The following CRB1 variants were observed in gnomAD, a reference collection of about 807,000 sequenced individuals.
The protein encoded by CRB1 is protein crumbs homolog 1.
A neutral mutation model predicts 120.0 loss-of-function variants in CRB1; 83 were observed. That is an observed-to-expected ratio of 0.69 (90% CI 0.58 to 0.83). The LOEUF is 0.83. Among genes scored for constraint, CRB1 ranks in the 40% least tolerant of loss-of-function variants. The pLI is 0.00. For synonymous variants in CRB1, 625 were observed against 612.5 expected, an observed-to-expected ratio of 1.02 and a Z score of -0.30; for missense variants, 1,699 against 1,687.6, an observed-to-expected ratio of 1.01 and a Z score of -0.12.
intron 5 of CRB1, among the ~76,000 whole-genome samples, chr1:197,365,747 C>A (rs1191559505): frequency 6.6e-6 from 1 of 151,792 alleles, no homozygotes; most frequent in East Asian, 1.9e-4. Flanking sequence ...CCAACCTCGG[C>A]CACCTTCTCT....
the CRB1 span, among the ~76,000 whole-genome samples, chr1:197,233,593 T>A: frequency 6.6e-6 from 1 of 152,180 alleles, no homozygotes; most frequent in Non-Finnish European, 1.5e-5. Context: ...ACAAAGCCCT[T>A]CTTAGGGCAC....
At chr1:197,264,732 G>A (rs1209490700), upstream of CRB1, among the ~76,000 whole-genome samples, 1 of 148,288 alleles carries the variant, frequency 6.7e-6, no homozygotes, top group Non-Finnish European at 1.5e-5. Context: ...AGGGATTCTT[G>A]TGTCTCAGCC....
At chr1:197,317,128 C>T (rs1657900503) in intron 1 of CRB1, among the ~76,000 whole-genome samples, 1 of 152,102 alleles carries the variant, frequency 6.6e-6, no homozygotes, top group South Asian at 2.1e-4. Context: ...ATCAAAATAG[C>T]AATGACAGGT....
the CRB1 span, among the ~76,000 whole-genome samples, chr1:197,201,519 C>T: frequency 6.6e-6 from 1 of 152,184 alleles, no homozygotes; most frequent in Non-Finnish European, 1.5e-5. Flanking sequence ...CCCTCGGAGA[C>T]CCTAGCTACA....
At chr1:197,439,217 A>G (rs922798581) in intron 10 of CRB1, 1 of 165,006 alleles carries the variant, frequency 6.1e-6, no homozygotes, top group Non-Finnish European at 1.3e-5. Flanking sequence ...TATGTATTTG[A>G]GTGGCTAGGG....
chr1:197,424,393 A>G (rs1664477304), intron 6 of CRB1, among the ~76,000 whole-genome samples: 1 of 152,176 alleles, frequency 6.6e-6, no homozygotes, highest in Admixed American at 6.5e-5. Context: ...TAATATCTGA[A>G]GAAAAGTATC....
chr1:197,243,627 T>A, the CRB1 span, among the ~76,000 whole-genome samples: 1 of 152,100 alleles, frequency 6.6e-6, no homozygotes, highest in Non-Finnish European at 1.5e-5. Flanking sequence ...TGTGATATGG[T>A]GGTGGGAAAA....
chr1:197,348,272 A>G (rs914177413), intron 4 of CRB1, among the ~76,000 whole-genome samples: 4 of 152,170 alleles, frequency 2.6e-5, no homozygotes, highest in Non-Finnish European at 5.9e-5. Flanking sequence ...TTGTCATAGG[A>G]GATGACAGCT....
chr1:197,255,850 T>C, the CRB1 span, among the ~76,000 whole-genome samples: 1 of 150,866 alleles, frequency 6.6e-6, no homozygotes, highest in Admixed American at 6.6e-5. Flanking sequence ...CAAACTCCCT[T>C]TCTTAACTTT....
intron 1 of CRB1, among the ~76,000 whole-genome samples, chr1:197,274,992 C>T (rs1655122225): frequency 3.3e-5 from 5 of 152,016 alleles, no homozygotes; most frequent in Admixed American, 2.0e-4. Context: ...CCCCTTGCTT[C>T]CACTGAGACT....
At chr1:197,283,418 A>G (rs937146355) in intron 1 of CRB1, among the ~76,000 whole-genome samples, 6 of 151,644 alleles carry the variant, frequency 4.0e-5, no homozygotes, top group Non-Finnish European at 4.4e-5. Flanking sequence ...CCGAGTCCCC[A>G]AAGTCCGTTG....
chr1:197,426,113 C>A (rs1041273848), intron 6 of CRB1, among the ~76,000 whole-genome samples: 1 of 151,920 alleles, frequency 6.6e-6, no homozygotes, highest in Non-Finnish European at 1.5e-5. Flanking sequence ...CGTATCTCTG[C>A]AAATAGAAAG....
rs189292637 is a variant in CRB1, at chr1:197,294,231, A to G, written c.70+25749A>G. Reference sequence around the variant, plus strand: ...CAAATTTACAAGAAAAAATCAAACAACCCCATCAAAAAGTGGGCAAAGGAC... The same window carrying G: ...CAAATTTACAAGAAAAAATCAAACAGCCCCATCAAAAAGTGGGCAAAGGAC... On this transcript the variant is annotated intron_variant, in intron 1 of 11. Coordinates refer to ENST00000367400, the MANE Select transcript of CRB1 (RefSeq NM_201253.3). 2.9e-3 allele frequency among the ~76,000 whole-genome samples: 437 copies of G among 152,124 alleles called. 5 individuals carry two copies. Among genetic ancestry groups the G allele is most frequent in the African/African-American group, 0.01 (426 of 41,524 alleles).
At position 197,277,412 on chromosome 1, in the gene CRB1, G is replaced by A. The variant is rs532338148; in HGVS notation, c.70+8930G>A. On this transcript the variant is annotated intron_variant, in intron 1 of 11. Coordinates refer to ENST00000367400, the MANE Select transcript of CRB1 (RefSeq NM_201253.3). ...AGAGTGCTAATGAGGCTGAGTTTAC[G>A]GTTCAATCTCAACACAATTCAGTTT... Among the ~76,000 whole-genome samples the A allele has an allele frequency of 3.1e-3, 473 of 151,966 alleles. 1 individual carries two copies. Among genetic ancestry groups the A allele is most frequent in the African/African-American group, 0.011 (451 of 41,498 alleles).
At chr1:197,340,473 T>C (rs2786108) in intron 2 of CRB1, among the ~76,000 whole-genome samples, 105,711 of 151,504 alleles carry the variant, frequency 0.7, 37,051 homozygotes, top group East Asian at 0.9. Flanking sequence ...AGGGTACAAT[T>C]ATATTTGTAC....
At chr1:197,219,696 A>G in the CRB1 span, among the ~76,000 whole-genome samples, 2 of 152,194 alleles carry the variant, frequency 1.3e-5, no homozygotes, top group African/African-American at 4.8e-5. Flanking sequence ...AATGGCTTCC[A>G]TTTGGTTTTA....
At chr1:197,227,052 C>G in the CRB1 span, among the ~76,000 whole-genome samples, 2 of 152,174 alleles carry the variant, frequency 1.3e-5, no homozygotes, top group East Asian at 1.9e-4. Flanking sequence ...GGTGGGGACA[C>G]AGAGCCAAAC....
At chr1:197,258,297 G>A in the CRB1 span, among the ~76,000 whole-genome samples, 28 of 147,718 alleles carry the variant, frequency 1.9e-4, no homozygotes, top group African/African-American at 5.8e-4. Flanking sequence ...TTTTTTTTGC[G>A]TGTATTTCAT....
At chr1:197,263,698 C>T (rs1323480703), upstream of CRB1, among the ~76,000 whole-genome samples, 4 of 151,780 alleles carry the variant, frequency 2.6e-5, no homozygotes, top group African/African-American at 9.7e-5. Flanking sequence ...TTTTTCCTTG[C>T]TTCTGAGATA....
Sources: gnomAD v4.1 joint callset for allele counts (sites outside exome capture counted in the v4.1 genomes callset) on GRCh38, gnomAD v4.1.1 for gene constraint, MANE v1.5 for transcripts, NCBI Gene and HGNC (gene_info 2026-07-23, HGNC 2026-07-21) for gene names.